Variants in RGS3 observed in about 807,000 individuals in gnomAD.
The protein encoded by RGS3 is regulator of G-protein signalling 3.
A neutral mutation model predicts 132.6 loss-of-function variants in RGS3; 80 were observed. The observed-to-expected ratio is 0.60, with a 90% CI of 0.50 to 0.73. The LOEUF (loss-of-function observed/expected upper bound fraction) is 0.73. Ranked by LOEUF, RGS3 falls within the 30% of genes least tolerant of loss-of-function variation. RGS3 has a pLI of 0.00. For missense variants in RGS3, 1,382 were observed against 1,530.8 expected (o/e 0.90, Z 1.62); for synonymous variants, 598 against 620.6 (o/e 0.96, Z 0.54).
chr9:113,572,293 T>C (rs947920742), intron 19 of RGS3, among the ~76,000 whole-genome samples: 3 of 151,946 alleles, frequency 2.0e-5, no homozygotes, highest in African/African-American at 7.3e-5. Flanking sequence ...GAAAGTCTCA[T>C]GACAGAGGGA....
Position 113,565,518 on chromosome 9 carries a change from G to C in RGS3, c.2038-17932G>C, listed in dbSNP as rs1210054879. 18 of 536,664 alleles carry C rather than the reference G, an allele frequency of 3.4e-5. No homozygotes were observed. Among genetic ancestry groups the C allele is most frequent in the Admixed American group, 2.2e-4 (7 of 32,222 alleles). 33.2% of individuals were successfully genotyped at this position (536,664 alleles called of 1,614,324 possible). ...CATTTGGTTCTGCTTTTCCTAGCAG[G>C]TATCGCTCCCCTGGGGAACTTGGGT... On this transcript the variant is annotated intron_variant, in intron 19 of 24. Coordinates refer to ENST00000350696, the Ensembl canonical transcript of RGS3. This position sits in a 1 kb window ranked among gnomAD's most constrained non-coding sequence, Gnocchi z 5.7.
rs551069727 is a variant in RGS3, at chr9:113,565,030, T to C, written c.2038-18420T>C. 157 of 1,111,142 alleles carry C rather than the reference T, an allele frequency of 1.4e-4. No individual in the cohort carries two copies. The highest frequency in any genetic ancestry group is 1.6e-4 in the Non-Finnish European group (145 of 900,988). 68.8% of individuals were successfully genotyped at this position (1,111,142 alleles called of 1,614,324 possible). Reference sequence around the variant, plus strand: ...CCAGCCTGGGAGCCCTCAGGATGTGTGTGGGGTGGAGCCTGCTAGGGATCC... The same window carrying C: ...CCAGCCTGGGAGCCCTCAGGATGTGCGTGGGGTGGAGCCTGCTAGGGATCC... On this transcript the variant is annotated intron_variant, in intron 19 of 24. Coordinates refer to ENST00000350696, the Ensembl canonical transcript of RGS3. This position sits in a 1 kb window ranked among gnomAD's most constrained non-coding sequence, Gnocchi z 5.7.
At chr9:113,467,818 G>A (rs1488342470) in intron 3 of RGS3, among the ~76,000 whole-genome samples, 1 of 151,988 alleles carries the variant, frequency 6.6e-6, no homozygotes, top group Non-Finnish European at 1.5e-5. Flanking sequence ...GTGCTTAAGC[G>A]ATCCTCCCAC....
At chr9:113,460,156 A>G (rs1829442606), upstream of RGS3, 4 of 1,088,886 alleles carry the variant, frequency 3.7e-6, no homozygotes, top group Non-Finnish European at 4.6e-6. Flanking sequence ...TTTCAGAGAC[A>G]AGGCTTTGGT....
chr9:113,553,454 AAAAAAATATAT>A lies in RGS3; in HGVS notation c.2037+16538_2037+16548del, dbSNP rs1212199956. 1.2e-3 allele frequency among the ~76,000 whole-genome samples: 130 copies of A among 106,764 alleles called. 1 individual carries two copies. Among genetic ancestry groups the A allele is most frequent in the African/African-American group, 1.7e-3 (43 of 25,142 alleles). 70.0% of individuals were successfully genotyped at this position (106,764 alleles called of 152,430 possible). On this transcript the variant is annotated intron_variant, in intron 19 of 24. Coordinates refer to ENST00000350696, the Ensembl canonical transcript of RGS3. ...GGAAACTCTGTTTAAAAAAAAAAAA[AAAAAAATATAT>A]ATATATATATATATATATATATATA...
upstream of RGS3, among the ~76,000 whole-genome samples, chr9:113,459,936 AG>A (rs1416528867): frequency 2.6e-5 from 4 of 151,706 alleles, no homozygotes; most frequent in Non-Finnish European, 5.9e-5. Context: ...GCTACTCGGA[AG>A]GCTGAGGCAG....
intron 10 of RGS3, among the ~76,000 whole-genome samples, chr9:113,502,018 G>T (rs563136556): frequency 6.0e-4 from 92 of 152,342 alleles, no homozygotes; most frequent in Middle Eastern, 6.8e-3. Flanking sequence ...CCCCCTGTGC[G>T]TGTATGTTGG....
intron 19 of RGS3, among the ~76,000 whole-genome samples, chr9:113,549,518 A>T (rs1483731147): frequency 6.6e-6 from 1 of 152,018 alleles, no homozygotes; most frequent in Non-Finnish European, 1.5e-5. Flanking sequence ...ATTGATGTTT[A>T]TTATGAAGAA....
exon 5 of RGS3, chr9:113,483,062 T>C (rs887994753): frequency 2.5e-6 from 4 of 1,614,152 alleles, no homozygotes; most frequent in Non-Finnish European, 3.4e-6. Flanking sequence ...CTTTTAGTTA[T>C]AGAAGGTAAA....
Position 113,594,794 on chromosome 9 carries a change from G to A in RGS3, c.3183-125G>A. The A allele has an allele frequency of 6.6e-6, 6 of 910,728 alleles. No individual in the cohort carries two copies. The East Asian group carries it at 1.3e-4, about 20-fold the overall frequency. The allele number at this position is 910,728 out of a possible 1,614,324, so 56.4% of individuals were successfully genotyped here. On this transcript the variant is annotated intron_variant, in intron 22 of 24. Transcript: ENST00000350696. ...GAAAGAGGGTGGGCCTCCTTCCTGG[G>A]CGCCCCAGCTGGGCTCAGCTGCAGA...
At chr9:113,492,425 G>C (rs1319979026) in intron 7 of RGS3, among the ~76,000 whole-genome samples, 1 of 152,188 alleles carries the variant, frequency 6.6e-6, no homozygotes, top group Admixed American at 6.5e-5. Context: ...ATCGCACCCT[G>C]TCTTGTGACA....
In RGS3 at chr9:113,591,567, G is replaced by T. The variant is rs1169262341; in HGVS notation, c.3080+170G>T. 4 of 635,204 alleles carry T rather than the reference G, an allele frequency of 6.3e-6. No homozygotes were observed. Among genetic ancestry groups the T allele is most frequent in the Non-Finnish European group, 8.5e-6 (3 of 353,830 alleles). 39.3% of individuals were successfully genotyped at this position (635,204 alleles called of 1,614,324 possible). ...CTTGGAACTTTGCAGTGACCCCAAA[G>T]TGGGGTCACCTGGGTCCTGAGCATT... On this transcript the variant is annotated intron_variant, in intron 21 of 24. Coordinates refer to ENST00000350696, the Ensembl canonical transcript of RGS3. This position sits in a 1 kb window ranked among gnomAD's most constrained non-coding sequence, Gnocchi z 4.4.
At chr9:113,511,425 A>G (rs981410793) in intron 14 of RGS3, among the ~76,000 whole-genome samples, 2 of 151,946 alleles carry the variant, frequency 1.3e-5, no homozygotes, top group Admixed American at 6.5e-5. Context: ...AATCAGTTTT[A>G]CAGAGCCACT....
intron 19 of RGS3, among the ~76,000 whole-genome samples, chr9:113,550,372 A>G (rs574448445): frequency 2.0e-5 from 3 of 152,330 alleles, no homozygotes; most frequent in Non-Finnish European, 4.4e-5. Context: ...TCAAAAAGGA[A>G]CTAAATAAAC....
intron 19 of RGS3, among the ~76,000 whole-genome samples, chr9:113,554,570 G>T (rs1833487431): frequency 1.3e-5 from 2 of 152,224 alleles, no homozygotes; most frequent in Admixed American, 6.5e-5. Context: ...GCCTCCCAAA[G>T]TGCTGGGATT....
At chr9:113,496,642 C>T (rs1013265933) in intron 8 of RGS3, among the ~76,000 whole-genome samples, 5 of 152,070 alleles carry the variant, frequency 3.3e-5, no homozygotes, top group Non-Finnish European at 5.9e-5. Flanking sequence ...CCTCCGCCTC[C>T]CAGGTTCAAG....
chr9:113,492,338 T>C (rs573475799), intron 7 of RGS3, among the ~76,000 whole-genome samples: 147 of 152,316 alleles, frequency 9.7e-4, no homozygotes, highest in African/African-American at 3.4e-3. Flanking sequence ...ATAGGTCTTC[T>C]TCCAGCCTGT....
intron 19 of RGS3, among the ~76,000 whole-genome samples, chr9:113,550,451 G>T (rs1564558234): frequency 6.6e-6 from 1 of 152,142 alleles, no homozygotes; most frequent in African/African-American, 2.4e-5. Flanking sequence ...TGGGTCAAAG[G>T]TTATATATTT....
upstream of RGS3, among the ~76,000 whole-genome samples, chr9:113,457,570 G>T (rs1488693240): frequency 2.0e-5 from 3 of 152,232 alleles, no homozygotes; most frequent in Admixed American, 2.0e-4. Flanking sequence ...TCTCAGTCCT[G>T]CTAGACCGTA....
Sources: gnomAD v4.1 joint callset for allele counts (sites outside exome capture counted in the v4.1 genomes callset) on GRCh38, gnomAD v4.1.1 for gene constraint, Gnocchi (gnomAD v3.1) non-coding constraint, MANE v1.5 for transcripts, NCBI Gene and HGNC (gene_info 2026-07-23, HGNC 2026-07-21) for gene names.